DSE: variants seen among roughly 807,000 people sequenced by gnomAD.
DSE encodes the protein dermatan sulfate epimerase.
Under a neutral mutation model 84.4 loss-of-function variants are expected in DSE, and 36 were observed. That is an observed-to-expected ratio of 0.43 (90% CI 0.33 to 0.56). DSE has a LOEUF of 0.56. DSE is among the 20% of genes least tolerant of loss of function. The pLI is 0.06. For synonymous variants in DSE, 410 were observed against 430.1 expected (o/e 0.95, Z 0.58); for missense variants, 862 against 1,169.6 (o/e 0.74, Z 3.84).
intron 2 of DSE, among the ~76,000 whole-genome samples, chr6:116,262,665 G>T (rs775133708): frequency 6.6e-6 from 1 of 152,072 alleles, no homozygotes; most frequent in African/African-American, 2.4e-5. Context: ...TTTAGGATTT[G>T]TTTGCTCCTG....
At chr6:116,373,127 G>C (rs1312953484) in intron 1 of DSE, among the ~76,000 whole-genome samples, 2 of 151,728 alleles carry the variant, frequency 1.3e-5, no homozygotes, top group Non-Finnish European at 2.9e-5. Context: ...GGCCGAGGCA[G>C]GTGGATCACC....
At chr6:116,305,621 T>C (rs1286030229) in intron 2 of DSE, among the ~76,000 whole-genome samples, 1 of 152,146 alleles carries the variant, frequency 6.6e-6, no homozygotes, top group East Asian at 1.9e-4. Context: ...ATACCGTAGC[T>C]ATAGAGTATC....
chr6:116,431,659 T>A (rs1783849588), intron 4 of DSE, among the ~76,000 whole-genome samples: 1 of 152,176 alleles, frequency 6.6e-6, no homozygotes, highest in South Asian at 2.1e-4. Flanking sequence ...CACATTTAAG[T>A]TGGAGCTTTA....
At chr6:116,311,750 C>T (rs1400201089) in intron 2 of DSE, among the ~76,000 whole-genome samples, 1 of 152,196 alleles carries the variant, frequency 6.6e-6, no homozygotes, top group African/African-American at 2.4e-5. Flanking sequence ...TCAGGTCTCT[C>T]TCAAATAGCA....
At chr6:116,376,191 T>C (rs764666622) in intron 1 of DSE, among the ~76,000 whole-genome samples, 1 of 152,224 alleles carries the variant, frequency 6.6e-6, no homozygotes, top group Non-Finnish European at 1.5e-5. Context: ...CCCCGTCCTC[T>C]TCCACTTCTC....
chr6:116,312,962 T>G (rs904959820), intron 2 of DSE, among the ~76,000 whole-genome samples: 6 of 152,112 alleles, frequency 3.9e-5, no homozygotes, highest in Non-Finnish European at 7.4e-5. Context: ...TATATGTATA[T>G]AGAAGTCTTC....
chr6:116,442,884 G>T lies in DSE; in HGVS notation c.*5539G>T, dbSNP rs767905869. ...GGTGTTGATGATGCCACATATACCT[G>T]TGTGTATGTGAAACTTTGAAAAATC... On this transcript the variant is annotated 3_prime_UTR_variant, in exon 6 of 6. Coordinates refer to ENST00000644252, the MANE Select transcript of DSE (RefSeq NM_013352.4). The T allele has an allele frequency of 6.6e-6, 1 of 152,104 alleles. No individual in the cohort carries two copies. Among genetic ancestry groups the T allele is most frequent in the African/African-American group, 2.4e-5 (1 of 41,396 alleles). The allele number at this position is 152,104 out of a possible 1,614,324, so 9.4% of individuals were successfully genotyped here.
At chr6:116,408,294 G>A (rs924377155) in intron 2 of DSE, among the ~76,000 whole-genome samples, 7 of 152,100 alleles carry the variant, frequency 4.6e-5, no homozygotes, top group African/African-American at 7.2e-5. Flanking sequence ...ATGCAAAACT[G>A]TTATAGGTTG....
chr6:116,270,914 C>T (rs1387128029), intron 2 of DSE, among the ~76,000 whole-genome samples: 2 of 152,096 alleles, frequency 1.3e-5, no homozygotes, highest in African/African-American at 4.8e-5. Context: ...CCCCTATTTC[C>T]CTATCCATTA....
At chr6:116,357,059 T>C (rs946797946) in intron 2 of DSE, among the ~76,000 whole-genome samples, 9 of 152,122 alleles carry the variant, frequency 5.9e-5, no homozygotes, top group African/African-American at 2.2e-4. Context: ...AAAAAACAAA[T>C]TCTACTTATT....
rs1231678065 is a variant in DSE at position 116,435,007 on chromosome 6, T to G, written c.1119-580T>G. Among the ~76,000 whole-genome samples, 4 of 152,240 alleles carry G rather than the reference T, an allele frequency of 2.6e-5. No homozygotes were observed. The South Asian group carries it at 8.3e-4, about 32-fold the overall frequency. On this transcript the variant is annotated intron_variant, in intron 5 of 5. Transcript: ENST00000644252. ...ATAAATCCCTCAATATAAGACAGTT[T>G]GCTGAAACTTCATCCATTTATATTC...
intron 2 of DSE, among the ~76,000 whole-genome samples, chr6:116,360,708 T>G (rs1479107796): frequency 6.6e-6 from 1 of 152,216 alleles, no homozygotes; most frequent in Non-Finnish European, 1.5e-5. Context: ...TTAATAACTT[T>G]CCTATTAAGC....
intron 2 of DSE, among the ~76,000 whole-genome samples, chr6:116,300,924 C>T (rs938564979): frequency 3.3e-5 from 5 of 152,086 alleles, no homozygotes; most frequent in Non-Finnish European, 7.4e-5. Context: ...GATTATGATT[C>T]TTAATGCAAA....
At chr6:116,415,847 T>C (rs1382351930) in intron 2 of DSE, among the ~76,000 whole-genome samples, 1 of 152,236 alleles carries the variant, frequency 6.6e-6, no homozygotes, top group African/African-American at 2.4e-5. Flanking sequence ...CACAAATCTC[T>C]GGTAGTCCTT....
chr6:116,406,603 T>A (rs1330030552), intron 2 of DSE, among the ~76,000 whole-genome samples: 1 of 152,262 alleles, frequency 6.6e-6, no homozygotes, highest in African/African-American at 2.4e-5. Context: ...TTCATGCTAA[T>A]GATAACTTGA....
intron 2 of DSE, among the ~76,000 whole-genome samples, chr6:116,310,963 T>C (rs985720213): frequency 6.6e-6 from 1 of 152,226 alleles, no homozygotes; most frequent in Non-Finnish European, 1.5e-5. Flanking sequence ...TTTCCTAATA[T>C]CTGGCTAGGT....
intron 2 of DSE, among the ~76,000 whole-genome samples, chr6:116,345,067 G>A (rs1261028262): frequency 1.3e-5 from 2 of 152,096 alleles, no homozygotes; most frequent in South Asian, 2.1e-4. Flanking sequence ...AACAAGAAGA[G>A]CTAACCTAAA....
chr6:116,303,250 C>T (rs1416623058), intron 2 of DSE, among the ~76,000 whole-genome samples: 1 of 152,030 alleles, frequency 6.6e-6, no homozygotes, highest in Non-Finnish European at 1.5e-5. Context: ...TTCTCTTTTT[C>T]AACTCAAAAG....
At chr6:116,394,356 G>A (rs571793455) in intron 1 of DSE, among the ~76,000 whole-genome samples, 36 of 152,170 alleles carry the variant, frequency 2.4e-4, no homozygotes, top group African/African-American at 8.4e-4. Flanking sequence ...TGGCCTACAC[G>A]TAATGCTAAA....
Sources: gnomAD v4.1 joint callset for allele counts (sites outside exome capture counted in the v4.1 genomes callset) on GRCh38, gnomAD v4.1.1 for gene constraint, MANE v1.5 for transcripts, NCBI Gene and HGNC (gene_info 2026-07-23, HGNC 2026-07-21) for gene names.